Variants in KIAA1328 observed in about 807,000 individuals in gnomAD.
KIAA1328 encodes the protein KIAA1328.
KIAA1328 carries 52 observed loss-of-function variants against 68.1 expected under a neutral mutation model. That is an observed-to-expected ratio of 0.76 (90% confidence interval 0.61 to 0.96). The LOEUF is 0.96. Among genes scored for constraint, KIAA1328 ranks in the 40% least tolerant of loss-of-function variants. The pLI, the probability that KIAA1328 is intolerant of heterozygous loss-of-function variation, is 0.00. For missense variants in KIAA1328, 641 were observed against 677.6 expected (o/e 0.95, Z 0.60); for synonymous variants, 232 against 239.4 (o/e 0.97, Z 0.28).
At chr18:36,949,602 C>CCCG (rs1556833376) in intron 5 of KIAA1328, among the ~76,000 whole-genome samples, 19 of 99,728 alleles carry the variant, frequency 1.9e-4, no homozygotes, top group Admixed American at 1.4e-3. Context: ...CCAGCTCCCC[C>CCCG]CCCCCCACCC....
chr18:36,861,488 A>G (rs1047310475), intron 4 of KIAA1328, among the ~76,000 whole-genome samples: 3 of 152,198 alleles, frequency 2.0e-5, no homozygotes, highest in African/African-American at 7.2e-5. Flanking sequence ...CATCCATCCA[A>G]GAAACTTGCC....
At chr18:36,929,517 G>T (rs1015613498) in intron 5 of KIAA1328, among the ~76,000 whole-genome samples, 28 of 152,056 alleles carry the variant, frequency 1.8e-4, no homozygotes, top group African/African-American at 6.3e-4. Context: ...CTGGAGTACT[G>T]ACGGGTTTTA....
chr18:37,131,151 A>G (rs1195302837), intron 7 of KIAA1328, among the ~76,000 whole-genome samples: 1 of 152,168 alleles, frequency 6.6e-6, no homozygotes, highest in Non-Finnish European at 1.5e-5. Flanking sequence ...TCTATGCTTG[A>G]GTTATACTTG....
intron 4 of KIAA1328, among the ~76,000 whole-genome samples, chr18:36,865,027 G>A (rs1215662814): frequency 2.1e-5 from 3 of 143,222 alleles, no homozygotes; most frequent in Non-Finnish European, 3.1e-5. Flanking sequence ...TCTATTTTTT[G>A]TTCTCTATTT....
In KIAA1328 at chr18:37,084,182, T is replaced by C. The variant is rs776948853; in HGVS notation, c.1232+16637T>C. On this transcript the variant is annotated intron_variant, in intron 7 of 9. Transcript: ENST00000280020. ...AACTGGTTGCTGAAAAACAGCTTAC[T>C]AAACCCCAAGAACTCAAACTGGATA... 7 of 1,527,092 alleles carry C rather than the reference T, an allele frequency of 4.6e-6. No homozygotes were observed. The East Asian group carries it at 1.2e-4, about 27-fold the overall frequency. 94.6% of individuals were successfully genotyped at this position (1,527,092 alleles called of 1,614,324 possible). A position where few individuals can be genotyped will look rare whatever the true frequency, so the allele number is the denominator to read the frequency against.
chr18:36,847,728 T>G (rs2047075476), intron 4 of KIAA1328, among the ~76,000 whole-genome samples: 1 of 151,676 alleles, frequency 6.6e-6, no homozygotes, highest in African/African-American at 2.4e-5. Context: ...TTGATAAAAT[T>G]TTGGATCTTG....
intron 9 of KIAA1328, among the ~76,000 whole-genome samples, chr18:37,207,109 A>G (rs2060230420): frequency 6.6e-6 from 1 of 152,172 alleles, no homozygotes; most frequent in Admixed American, 6.5e-5. Context: ...AAGCCTCTGA[A>G]GTCTGTTTTA....
At chr18:37,148,987 A>T (rs183774876) in intron 7 of KIAA1328, among the ~76,000 whole-genome samples, 1 of 152,290 alleles carries the variant, frequency 6.6e-6, no homozygotes, top group East Asian at 1.9e-4. Context: ...AATATTGTGA[A>T]AATGGTCATA....
At chr18:37,229,277 C>A (rs1250908182), downstream of KIAA1328, among the ~76,000 whole-genome samples, 1 of 152,164 alleles carries the variant, frequency 6.6e-6, no homozygotes, top group Non-Finnish European at 1.5e-5. Flanking sequence ...CTTGGCTGGG[C>A]CCTGTGCACC....
At chr18:36,911,117 ATT>A (rs1339043966) in intron 5 of KIAA1328, among the ~76,000 whole-genome samples, 1 of 152,122 alleles carries the variant, frequency 6.6e-6, no homozygotes, top group Non-Finnish European at 1.5e-5. Flanking sequence ...CTGAGGGAAA[ATT>A]AGCCTTATGC....
chr18:37,159,790 A>G (rs2059237615), intron 7 of KIAA1328, among the ~76,000 whole-genome samples: 1 of 152,120 alleles, frequency 6.6e-6, no homozygotes, highest in South Asian at 2.1e-4. Flanking sequence ...TAGAAACACA[A>G]ACGCGTTTGT....
chr18:36,857,062 A>G (rs1036405155), intron 4 of KIAA1328, among the ~76,000 whole-genome samples: 5 of 152,118 alleles, frequency 3.3e-5, no homozygotes, highest in Non-Finnish European at 5.9e-5. Context: ...CAGTTAGTCT[A>G]CAACTCTCCC....
chr18:36,915,479 CAACAAT>C (rs1452958395), intron 5 of KIAA1328, among the ~76,000 whole-genome samples: 1 of 152,016 alleles, frequency 6.6e-6, no homozygotes, highest in Admixed American at 6.6e-5. Context: ...TCTGAAAACT[CAACAAT>C]AAGAAAACAA....
At chr18:36,871,024 C>T (rs2047927398) in intron 4 of KIAA1328, among the ~76,000 whole-genome samples, 1 of 152,208 alleles carries the variant, frequency 6.6e-6, no homozygotes, top group Non-Finnish European at 1.5e-5. Flanking sequence ...GGGCTCACAC[C>T]TGTATTTTCC....
chr18:37,196,633 AT>A (rs1210209625), intron 9 of KIAA1328, among the ~76,000 whole-genome samples: 1 of 152,098 alleles, frequency 6.6e-6, no homozygotes, highest in African/African-American at 2.4e-5. Flanking sequence ...CCTGGGATGA[AT>A]TTCACTTGAT....
intron 5 of KIAA1328, among the ~76,000 whole-genome samples, chr18:36,944,503 C>T (rs1299537009): frequency 6.6e-5 from 10 of 152,036 alleles, no homozygotes; most frequent in Non-Finnish European, 1.3e-4. Flanking sequence ...GGCGTGAACC[C>T]GGGAGGCGGA....
chr18:36,946,625 AT>A (rs1458605427), intron 5 of KIAA1328: 2 of 152,244 alleles, frequency 1.3e-5, no homozygotes, highest in Non-Finnish European at 2.9e-5. Flanking sequence ...GTTATTAACC[AT>A]TCTGTGCTGC....
At chr18:36,931,681 T>G (rs549239751) in intron 5 of KIAA1328, among the ~76,000 whole-genome samples, 1 of 152,092 alleles carries the variant, frequency 6.6e-6, no homozygotes, top group South Asian at 2.1e-4. Flanking sequence ...ATTTTAAATA[T>G]GTGAAATATT....
At chr18:37,036,570 T>C (rs1256516785) in intron 6 of KIAA1328, among the ~76,000 whole-genome samples, 1 of 152,202 alleles carries the variant, frequency 6.6e-6, no homozygotes, top group Non-Finnish European at 1.5e-5. Context: ...TTAGTTCTTG[T>C]TGAGACACGC....
Sources: allele counts gnomAD v4.1 joint callset (sites outside exome capture counted in the v4.1 genomes callset), GRCh38; gene constraint gnomAD v4.1.1; transcripts MANE v1.5; gene names NCBI Gene and HGNC (gene_info 2026-07-23, HGNC 2026-07-21).